The following NCKAP5 variants were observed in gnomAD, a reference collection of about 807,000 sequenced individuals.
NCKAP5 encodes nck-associated protein 5.
Under a neutral mutation model 167.0 loss-of-function variants are expected in NCKAP5, and 92 were observed. The ratio of observed to expected loss-of-function variants is 0.55; its 90% CI spans 0.47 to 0.66. The LOEUF is 0.66. Ranked by LOEUF, NCKAP5 falls within the 30% of genes least tolerant of loss-of-function variation. NCKAP5 has a pLI of 0.00. For synonymous variants in NCKAP5, 891 were observed against 877.4 expected (o/e 1.02, Z -0.27); for missense variants, 2,378 against 2,315.0 (o/e 1.03, Z -0.56).
intron 11 of NCKAP5, among the ~76,000 whole-genome samples, chr2:132,851,621 G>T (rs1229414329): frequency 1.3e-5 from 2 of 152,148 alleles, no homozygotes; most frequent in African/African-American, 2.4e-5. Flanking sequence ...TTTGCTAAGA[G>T]ACCCTGGATG....
chr2:132,709,533 G>A (rs1033230909), intron 19 of NCKAP5, among the ~76,000 whole-genome samples: 3 of 151,940 alleles, frequency 2.0e-5, no homozygotes, highest in Admixed American at 6.6e-5. Flanking sequence ...AGACTAAAAC[G>A]ATAAGCAAAC....
chr2:132,690,149 G>T (rs1686533613), intron 19 of NCKAP5, among the ~76,000 whole-genome samples: 1 of 152,142 alleles, frequency 6.6e-6, no homozygotes, highest in African/African-American at 2.4e-5. Flanking sequence ...GCCACTGTCT[G>T]TGTGGAGTTG....
At position 132,945,293 on chromosome 2, in the gene NCKAP5, G is replaced by A. The variant is rs112949001; in HGVS notation, c.579+18427C>T. Among the ~76,000 whole-genome samples, 967 of 152,130 alleles carry A rather than the reference G, an allele frequency of 6.4e-3. 5 individuals carry two copies. Among genetic ancestry groups the A allele is most frequent in the Middle Eastern group, 0.051 (15 of 292 alleles). ...CACCTGCTAAGGTGAGGCGGGGGCA[G>A]GGGTGGGGTGGGGAAATGATCATAA... On this transcript the variant is annotated intron_variant, in intron 8 of 19. Transcript: ENST00000409261.
intron 8 of NCKAP5, among the ~76,000 whole-genome samples, chr2:132,927,601 C>A (rs1696006308): frequency 1.3e-5 from 2 of 151,812 alleles, no homozygotes; most frequent in Non-Finnish European, 2.9e-5. Flanking sequence ...AACGTATTCC[C>A]AGGGTTCTTT....
intron 5 of NCKAP5, among the ~76,000 whole-genome samples, chr2:133,180,107 C>A (rs531371877): frequency 1.3e-5 from 2 of 151,956 alleles, no homozygotes; most frequent in Non-Finnish European, 1.5e-5. Flanking sequence ...ACCATACCTA[C>A]AGGGTAAAAC....
chr2:132,922,398 T>C (rs1006905207), intron 8 of NCKAP5, among the ~76,000 whole-genome samples: 1 of 152,156 alleles, frequency 6.6e-6, no homozygotes, highest in African/African-American at 2.4e-5. Flanking sequence ...CCAGAGTCAA[T>C]GTCATAAAAT....
chr2:133,325,259 C>G (rs563939924), intron 3 of NCKAP5, among the ~76,000 whole-genome samples: 1 of 152,158 alleles, frequency 6.6e-6, no homozygotes, highest in South Asian at 2.1e-4. Flanking sequence ...CAGGATTTTG[C>G]GTCTCCAAAG....
Position 132,763,121 on chromosome 2 carries a change from G to A in NCKAP5, c.5128+10695C>T, listed in dbSNP as rs1255604029. Among the ~76,000 whole-genome samples, 4 of 152,178 alleles carry A rather than the reference G, an allele frequency of 2.6e-5. No homozygotes were observed. The East Asian group carries it at 7.7e-4, about 29-fold the overall frequency. ...AAGATAAGTGAGAGAAAATGAAGAA[G>A]TATTTTACTGTAAAAGTCTAAATAT... On this transcript the variant is annotated intron_variant, in intron 16 of 19. Transcript: ENST00000409261.
intron 1 of NCKAP5, among the ~76,000 whole-genome samples, chr2:133,566,642 G>A (rs1477352322): frequency 6.6e-6 from 1 of 152,314 alleles, no homozygotes; most frequent in East Asian, 1.9e-4. Context: ...AAGAACTTGA[G>A]AAGTGGGACA....
At chr2:132,893,880 T>TCA (rs928998492) in intron 8 of NCKAP5, among the ~76,000 whole-genome samples, 36 of 151,824 alleles carry the variant, frequency 2.4e-4, no homozygotes, top group Non-Finnish European at 3.8e-4. Flanking sequence ...TAAACATATT[T>TCA]CACACACACA....
At chr2:133,164,516 A>C (rs1574240376) in intron 5 of NCKAP5, among the ~76,000 whole-genome samples, 1 of 152,196 alleles carries the variant, frequency 6.6e-6, no homozygotes, top group East Asian at 1.9e-4. Flanking sequence ...ATTATTATGT[A>C]GTCTTGTTGT....
chr2:132,931,728 C>T (rs1696393155), intron 8 of NCKAP5, among the ~76,000 whole-genome samples: 4 of 152,160 alleles, frequency 2.6e-5, no homozygotes, highest in Admixed American at 2.6e-4. Context: ...ATTTTTCAGC[C>T]TCTTCCTACC....
chr2:133,037,255 T>C (rs187848619), intron 6 of NCKAP5, among the ~76,000 whole-genome samples: 2 of 152,220 alleles, frequency 1.3e-5, no homozygotes, highest in Admixed American at 1.3e-4. Context: ...ATGCAATCCC[T>C]ATCAAAATAC....
At chr2:133,283,361 A>G (rs1389528426) in intron 4 of NCKAP5, among the ~76,000 whole-genome samples, 4 of 152,138 alleles carry the variant, frequency 2.6e-5, no homozygotes, top group East Asian at 1.9e-4. Context: ...ATTCAGCAGC[A>G]CACACTAGAC....
chr2:133,216,201 C>T (rs10167336), intron 4 of NCKAP5, among the ~76,000 whole-genome samples: 70,420 of 151,720 alleles, frequency 0.46, 16,762 homozygotes, highest in Non-Finnish European at 0.51. Context: ...TTCACTGATA[C>T]ATATAACTCT....
chr2:133,492,783 T>C (rs1681588314), intron 3 of NCKAP5, among the ~76,000 whole-genome samples: 1 of 152,210 alleles, frequency 6.6e-6, no homozygotes. Context: ...TCCAATTACA[T>C]GAATCCACAA....
At position 132,782,626 on chromosome 2, in the gene NCKAP5, C is replaced by A; in HGVS notation, c.4185G>T (p.Glu1395Asp). ...GTACAGCCACATTGGCACTGGGGCA[C>A]TCTCCCTGGGTGAAGGCCTGCTGGT... is the stretch of plus-strand genomic sequence containing the variant. The part of the protein sequence containing the change: ...KEDQQAFTQG[E>D]CPSANVAVLG... Residue 1395 changes from glutamate to aspartate, a missense_variant, in exon 14 of 20, where the codon GAG becomes GAT. Glu to Asp is a conservative substitution (Grantham distance 45). Around this residue, in one of 3 missense-constraint regions of NCKAP5, gnomAD observed 1,325 missense variants for 1,274.5 expected, o/e 1.04. Coordinates refer to ENST00000409261, the MANE Select transcript of NCKAP5 (RefSeq NM_207363.3). The A allele has an allele frequency of 6.2e-7, 1 of 1,600,250 alleles. No individual in the cohort carries two copies. The highest frequency in any genetic ancestry group is 8.5e-7 in the Non-Finnish European group (1 of 1,172,984).
At chr2:132,809,650 G>C (rs571639402) in intron 11 of NCKAP5, among the ~76,000 whole-genome samples, 1 of 152,086 alleles carries the variant, frequency 6.6e-6, no homozygotes, top group Admixed American at 6.6e-5. Context: ...GTTTATGTGA[G>C]TTCTTATGTG....
At chr2:132,856,356 T>C (rs1689468656) in intron 11 of NCKAP5, among the ~76,000 whole-genome samples, 1 of 151,234 alleles carries the variant, frequency 6.6e-6, no homozygotes. Context: ...GCGGAACAAG[T>C]AGAATGTAAA....
Sources: allele counts gnomAD v4.1 joint callset (sites outside exome capture counted in the v4.1 genomes callset), GRCh38; gene constraint gnomAD v4.1.1; regional missense constraint gnomAD v4.1.1; transcripts MANE v1.5; gene names NCBI Gene and HGNC (gene_info 2026-07-23, HGNC 2026-07-21).